LSAMP: variants seen among roughly 807,000 people sequenced by gnomAD.
LSAMP encodes limbic system associated membrane protein, also known as limbic system-associated membrane protein.
LSAMP carries 7 observed loss-of-function variants against 38.6 expected under a neutral mutation model. The observed-to-expected ratio is 0.18, with a 90% CI of 0.10 to 0.34. LSAMP has a LOEUF of 0.34. Ranked by LOEUF, LSAMP falls within the 10% of genes least tolerant of loss-of-function variation. The pLI is 1.00. For synonymous variants in LSAMP, 154 were observed against 166.8 expected, an observed-to-expected ratio of 0.92 and a Z score of 0.59; for missense variants, 313 against 420.0, an observed-to-expected ratio of 0.75 and a Z score of 2.23.
chr3:115,916,327 A>G (rs1384381786), intron 3 of LSAMP, among the ~76,000 whole-genome samples: 1 of 152,214 alleles, frequency 6.6e-6, no homozygotes, highest in Non-Finnish European at 1.5e-5. Flanking sequence ...TGTTTATGCA[A>G]TGGGACATGA....
chr3:116,380,564 A>G (rs2048546053), intron 1 of LSAMP, among the ~76,000 whole-genome samples: 1 of 151,984 alleles, frequency 6.6e-6, no homozygotes, highest in Non-Finnish European at 1.5e-5. Context: ...CCAATTTAAC[A>G]GCCTCAGTAT....
At chr3:116,354,707 C>T (rs2048195269) in intron 1 of LSAMP, among the ~76,000 whole-genome samples, 1 of 152,154 alleles carries the variant, frequency 6.6e-6, no homozygotes, top group South Asian at 2.1e-4. Context: ...TATGCATACT[C>T]AAAAGGAAGT....
At chr3:116,329,974 T>C (rs1457524026) in intron 1 of LSAMP, among the ~76,000 whole-genome samples, 3 of 152,188 alleles carry the variant, frequency 2.0e-5, no homozygotes, top group African/African-American at 7.2e-5. Flanking sequence ...TACCAAATAA[T>C]TACTACTTAC....
chr3:116,187,829 C>T (rs961875896), intron 1 of LSAMP, among the ~76,000 whole-genome samples: 4 of 151,926 alleles, frequency 2.6e-5, no homozygotes, highest in Middle Eastern at 3.2e-3. Context: ...GGTACATGTG[C>T]AGGTTTGTTA....
chr3:115,996,000 C>A (rs1263317232), intron 3 of LSAMP, among the ~76,000 whole-genome samples: 1 of 151,914 alleles, frequency 6.6e-6, no homozygotes, highest in Non-Finnish European at 1.5e-5. Context: ...GATTACCCAA[C>A]AACTGGTTAA....
At position 116,039,996 on chromosome 3, in the gene LSAMP, G is replaced by C. The variant is rs528594225; in HGVS notation, c.389-20356C>G. Among the ~76,000 whole-genome samples, 148 of 148,930 alleles carry C rather than the reference G, an allele frequency of 9.9e-4. No individual in the cohort carries two copies. The Middle Eastern group carries it at 0.01, about 10-fold the overall frequency. ...CAGCTCTTTACTCTGCCTCTCTTTG[G>C]GGGGGGAAAAAAACTGGTCCCCTTT... On this transcript the variant is annotated intron_variant, in intron 2 of 6. Coordinates refer to ENST00000490035, the MANE Select transcript of LSAMP (RefSeq NM_002338.5).
chr3:116,415,550 T>C (rs2049038719), intron 1 of LSAMP, among the ~76,000 whole-genome samples: 1 of 152,106 alleles, frequency 6.6e-6, no homozygotes, highest in Admixed American at 6.6e-5. Flanking sequence ...TTCTCTTTGG[T>C]ACAGTGGCAG....
At chr3:116,151,917 A>G (rs1709621840) in intron 1 of LSAMP, among the ~76,000 whole-genome samples, 1 of 152,086 alleles carries the variant, frequency 6.6e-6, no homozygotes, top group African/African-American at 2.4e-5. Flanking sequence ...TCCAGCCACA[A>G]TGAGACCAGC....
chr3:116,153,331 T>G (rs1709654740), intron 1 of LSAMP, among the ~76,000 whole-genome samples: 1 of 152,140 alleles, frequency 6.6e-6, no homozygotes, highest in Admixed American at 6.6e-5. Flanking sequence ...TCAAGCTGAC[T>G]GTAGGAAAAT....
intron 3 of LSAMP, among the ~76,000 whole-genome samples, chr3:115,926,101 G>GCT (rs1937493295): frequency 6.6e-6 from 1 of 152,152 alleles, no homozygotes; most frequent in South Asian, 2.1e-4. Context: ...TGAGATGTAT[G>GCT]AAGAAGTACA....
intron 3 of LSAMP, among the ~76,000 whole-genome samples, chr3:115,874,652 G>C (rs1363289237): frequency 6.6e-6 from 1 of 152,038 alleles, no homozygotes; most frequent in African/African-American, 2.4e-5. Flanking sequence ...AAGACACAGT[G>C]GTGAATAAAC....
chr3:116,155,943 A>G (rs1709737333), intron 1 of LSAMP, among the ~76,000 whole-genome samples: 1 of 152,116 alleles, frequency 6.6e-6, no homozygotes, highest in African/African-American at 2.4e-5. Flanking sequence ...AAGAGGTCCT[A>G]CTCAGCAAGC....
intron 3 of LSAMP, among the ~76,000 whole-genome samples, chr3:115,878,643 G>C (rs1936247589): frequency 6.6e-6 from 1 of 151,600 alleles, no homozygotes; most frequent in Admixed American, 6.6e-5. Context: ...TATATTTTTA[G>C]TAGAGATGGG....
In LSAMP at chr3:115,968,547, G is replaced by A. The variant is rs140649444; in HGVS notation, c.514+50968C>T. ...ACTCTACCTGATATTCTATCCTACTGTGATTGAGCTGATACCCAAGTTGCA... is the reference window on the plus strand; with the variant it reads ...ACTCTACCTGATATTCTATCCTACTATGATTGAGCTGATACCCAAGTTGCA... On this transcript the variant is annotated intron_variant, in intron 3 of 6. Transcript: ENST00000490035. Among the ~76,000 whole-genome samples the A allele has an allele frequency of 1.8e-4, 27 of 152,228 alleles. 1 individual carries two copies. The East Asian group carries it at 5.0e-3, about 28-fold the overall frequency.
chr3:116,375,279 T>C (rs2048480609), intron 1 of LSAMP, among the ~76,000 whole-genome samples: 1 of 151,926 alleles, frequency 6.6e-6, no homozygotes, highest in Non-Finnish European at 1.5e-5. Context: ...TGTTTGTTGC[T>C]GGGAAAGTAT....
At chr3:116,432,387 A>G (rs2049292868) in intron 1 of LSAMP, among the ~76,000 whole-genome samples, 1 of 151,846 alleles carries the variant, frequency 6.6e-6, no homozygotes, top group Admixed American at 6.6e-5. Flanking sequence ...CAGTCACACT[A>G]TATAGATTAA....
At chr3:116,171,005 A>G (rs1340345049) in intron 1 of LSAMP, among the ~76,000 whole-genome samples, 1 of 152,178 alleles carries the variant, frequency 6.6e-6, no homozygotes, top group African/African-American at 2.4e-5. Flanking sequence ...ATGCAGGTTA[A>G]TATAGTGCTA....
chr3:116,167,033 C>A (rs562956369), intron 1 of LSAMP, among the ~76,000 whole-genome samples: 2 of 151,994 alleles, frequency 1.3e-5, no homozygotes, highest in Non-Finnish European at 2.9e-5. Context: ...CCTCGTGATC[C>A]GCCCGCCTTG....
chr3:115,876,257 A>T (rs58512113), intron 3 of LSAMP, among the ~76,000 whole-genome samples: 69 of 92,758 alleles, frequency 7.4e-4, no homozygotes, highest in African/African-American at 2.6e-3. Flanking sequence ...GTTCTGATTT[A>T]AAAAAAAAAA....
Sources: gnomAD v4.1 joint callset for allele counts (sites outside exome capture counted in the v4.1 genomes callset) on GRCh38, gnomAD v4.1.1 for gene constraint, MANE v1.5 for transcripts, NCBI Gene and HGNC (gene_info 2026-07-23, HGNC 2026-07-21) for gene names.